Variants in SLC12A7 observed in about 807,000 individuals in gnomAD.
SLC12A7 encodes the protein solute carrier family 12 member 7.
Under a neutral mutation model 120.6 loss-of-function variants are expected in SLC12A7, and 100 were observed. The observed-to-expected ratio is 0.83, with a 90% CI of 0.71 to 0.98. The LOEUF (loss-of-function observed/expected upper bound fraction) is 0.98. Ranked by LOEUF, SLC12A7 falls within the 50% of genes least tolerant of loss-of-function variation. The pLI, the probability that SLC12A7 is intolerant of heterozygous loss-of-function variation, is 0.00. For synonymous variants in SLC12A7, 760 were observed against 678.0 expected (o/e 1.12, Z -1.88); for missense variants, 1,373 against 1,548.1 (o/e 0.89, Z 1.90).
rs201676660 is a variant in SLC12A7, at chr5:1,108,576, GCT to G, written c.124+3290_124+3291del. Among the ~76,000 whole-genome samples the G allele has an allele frequency of 4.8e-3, 728 of 152,284 alleles. 6 individuals carry two copies. Among genetic ancestry groups the G allele is most frequent in the African/African-American group, 0.017 (705 of 41,548 alleles). On this transcript the variant is annotated intron_variant, in intron 1 of 23. Coordinates refer to ENST00000264930, the MANE Select transcript of SLC12A7 (RefSeq NM_006598.3). Reference sequence around the variant, plus strand: ...CTCCTGAAATCTGGGCACAACGAGAGCTCTCTGTCCCTACTCGGCAGGACAGA... The same window carrying G: ...CTCCTGAAATCTGGGCACAACGAGAGCTCTGTCCCTACTCGGCAGGACAGA...
intron 20 of SLC12A7, among the ~76,000 whole-genome samples, chr5:1,062,240 G>A (rs556632536): frequency 1.3e-5 from 2 of 152,314 alleles, no homozygotes; most frequent in Non-Finnish European, 2.9e-5. Flanking sequence ...CGCCCCACCT[G>A]GCCCCCTGGC....
At chr5:1,075,186 G>A (rs1384189025) in intron 15 of SLC12A7, among the ~76,000 whole-genome samples, 185 bp downstream of exon 15, 1 of 152,184 alleles carries the variant, frequency 6.6e-6, no homozygotes, top group East Asian at 1.9e-4. Flanking sequence ...CGGCCTGGCT[G>A]GAAGTGGGAG....
chr5:1,134,525 T>G, the SLC12A7 span, among the ~76,000 whole-genome samples: 5 of 150,848 alleles, frequency 3.3e-5, no homozygotes, highest in African/African-American at 1.2e-4. Flanking sequence ...CAGGAGAAAA[T>G]GAATGCTGTA....
At chr5:1,104,898 AC>A (rs1368875708) in intron 1 of SLC12A7, among the ~76,000 whole-genome samples, 27 of 152,296 alleles carry the variant, frequency 1.8e-4, no homozygotes, top group African/African-American at 5.3e-4. Flanking sequence ...GGACCCCGAG[AC>A]CCCTGCAACG....
chr5:1,053,614 T>G, intron 22 of SLC12A7, 132 bp from the exon 23 acceptor site: 2 of 1,206,250 alleles, frequency 1.7e-6, no homozygotes, highest in Non-Finnish European at 1.1e-6. Flanking sequence ...TCAGGCGGAT[T>G]CTCTGACCCT....
chr5:1,109,188 G>A (rs925247400), intron 1 of SLC12A7, among the ~76,000 whole-genome samples: 13 of 152,252 alleles, frequency 8.5e-5, no homozygotes, highest in African/African-American at 3.1e-4. Flanking sequence ...GACAGGCCGG[G>A]GCACTGGCCA....
At chr5:1,112,290 C>A, upstream of SLC12A7, among the ~76,000 whole-genome samples, 1 of 148,134 alleles carries the variant, frequency 6.8e-6, no homozygotes, top group Non-Finnish European at 1.5e-5. Flanking sequence ...CTCCTGCACC[C>A]CCTCCTGCTC....
chr5:1,109,198 AG>A (rs2150911969), intron 1 of SLC12A7, among the ~76,000 whole-genome samples: 1 of 151,828 alleles, frequency 6.6e-6, no homozygotes, highest in South Asian at 2.1e-4. Flanking sequence ...GGCACTGGCC[AG>A]CCCTCCTTTC....
At chr5:1,054,890 T>G (rs1735448398) in intron 22 of SLC12A7, among the ~76,000 whole-genome samples, 2 of 152,232 alleles carry the variant, frequency 1.3e-5, no homozygotes. Context: ...TGCCAGGAAC[T>G]TGGAACTTTG....
intron 15 of SLC12A7, 49 bp downstream of exon 15, chr5:1,075,322 G>A: frequency 2.5e-6 from 4 of 1,584,210 alleles, no homozygotes; most frequent in Non-Finnish European, 3.4e-6. Context: ...CATGAGAGGG[G>A]CCCGCCCTCC....
rs529135042 is a variant in SLC12A7, at chr5:1,108,523, T to C, written c.124+3345A>G. On this transcript the variant is annotated intron_variant, in intron 1 of 23. Coordinates refer to ENST00000264930, the MANE Select transcript of SLC12A7 (RefSeq NM_006598.3). Reference sequence around the variant, plus strand: ...GCCTGCCTGTCCCTCCTGCTCCGACTGCCTCCCATGTCCGTGTCGGGAACG... The same window carrying C: ...GCCTGCCTGTCCCTCCTGCTCCGACCGCCTCCCATGTCCGTGTCGGGAACG... Among the ~76,000 whole-genome samples the C allele has an allele frequency of 1.5e-4, 23 of 152,260 alleles. No homozygotes were observed. The South Asian group carries it at 4.6e-3, about 30-fold the overall frequency.
At chr5:1,120,801 C>T in the SLC12A7 span, among the ~76,000 whole-genome samples, 3 of 152,168 alleles carry the variant, frequency 2.0e-5, no homozygotes, top group East Asian at 1.9e-4. Flanking sequence ...ATGCTGTCTA[C>T]GTGAAGCTCA....
chr5:1,057,355 C>T lies in SLC12A7; in HGVS notation c.3026+116G>A, dbSNP rs1579310422. Reference sequence around the variant, plus strand: ...GGCTCCCTGTTCTCTAACGGGCCCACTGGCCTGCAGGGTTGCCCCGAAGCT... The same window carrying T: ...GGCTCCCTGTTCTCTAACGGGCCCATTGGCCTGCAGGGTTGCCCCGAAGCT... On this transcript the variant is annotated intron_variant, in intron 22 of 23. Transcript: ENST00000264930. 36 of 1,112,664 alleles carry T rather than the reference C, an allele frequency of 3.2e-5. No homozygotes were observed. The East Asian group carries it at 9.2e-4, about 28-fold the overall frequency. 68.9% of individuals were successfully genotyped at this position (1,112,664 alleles called of 1,614,324 possible).
chr5:1,104,966 G>C (rs1474917661), intron 1 of SLC12A7, among the ~76,000 whole-genome samples: 1 of 147,836 alleles, frequency 6.8e-6, no homozygotes, highest in Non-Finnish European at 1.5e-5. Flanking sequence ...CCAGCCAAAA[G>C]GGACCCTCCC....
chr5:1,088,797 G>A (rs537389265), intron 4 of SLC12A7, among the ~76,000 whole-genome samples, 185 bp downstream of exon 4: 6 of 152,336 alleles, frequency 3.9e-5, no homozygotes, highest in South Asian at 2.1e-4. Flanking sequence ...GCAGCTGCCC[G>A]GCTCTCGTGG....
At chr5:1,102,765 C>T (rs1742143023) in intron 1 of SLC12A7, among the ~76,000 whole-genome samples, 1 of 152,198 alleles carries the variant, frequency 6.6e-6, no homozygotes, top group Admixed American at 6.5e-5. Flanking sequence ...GCCACCCTCC[C>T]CTGGAGCCAC....
At chr5:1,065,074 C>A (rs1429056168) in intron 18 of SLC12A7, among the ~76,000 whole-genome samples, 1 of 117,402 alleles carries the variant, frequency 8.5e-6, no homozygotes, top group Non-Finnish European at 1.7e-5. Context: ...GAGGGGACAG[C>A]AAGGGGACAC....
At chr5:1,101,533 A>G (rs1308170852) in intron 1 of SLC12A7, among the ~76,000 whole-genome samples, 1 of 152,112 alleles carries the variant, frequency 6.6e-6, no homozygotes, top group Non-Finnish European at 1.5e-5. Context: ...AGGCTGACCA[A>G]TGCTGCCCTC....
At position 1,061,112 on chromosome 5, in the gene SLC12A7, A is replaced by G. The variant is rs1371113373; in HGVS notation, c.2740-661T>C. Among the ~76,000 whole-genome samples the G allele has an allele frequency of 5.6e-4, 15 of 26,732 alleles. 3 individuals are homozygous for G. The highest frequency in any genetic ancestry group is 1.1e-3 in the African/African-American group (15 of 13,332). The allele number at this position is 26,732 out of a possible 152,430, so 17.5% of individuals were successfully genotyped here. On this transcript the variant is annotated intron_variant, in intron 20 of 23. Coordinates refer to ENST00000264930, the MANE Select transcript of SLC12A7 (RefSeq NM_006598.3). ...CATGCGGAACCCCTGCGTCTCACCC[A>G]CCGCACCCGCCGTGCGGGACCCCTG...
Sources: gnomAD v4.1 joint callset for allele counts (sites outside exome capture counted in the v4.1 genomes callset) on GRCh38, gnomAD v4.1.1 for gene constraint, MANE v1.5 for transcripts, NCBI Gene and HGNC (gene_info 2026-07-23, HGNC 2026-07-21) for gene names.